Variants in CACNA2D2 observed in about 807,000 individuals in gnomAD.
The protein encoded by CACNA2D2 is voltage-dependent calcium channel subunit alpha-2/delta-2.
In CACNA2D2, 48 loss-of-function variants were observed where a neutral mutation model predicts 166.4. The observed-to-expected ratio is 0.29, with a 90% confidence interval of 0.23 to 0.37. The LOEUF is 0.37. Ranked by LOEUF, CACNA2D2 falls within the 10% of genes least tolerant of loss-of-function variation. The pLI is 1.00. For missense variants in CACNA2D2, 1,122 were observed against 1,433.0 expected (o/e 0.78, Z 3.50); for synonymous variants, 561 against 573.7 (o/e 0.98, Z 0.32).
At chr3:50,466,989 T>C (rs1032456317) in intron 2 of CACNA2D2, among the ~76,000 whole-genome samples, 1 of 151,960 alleles carries the variant, frequency 6.6e-6, no homozygotes, top group African/African-American at 2.4e-5. Flanking sequence ...TTTAAAAAGC[T>C]GGGAAGAGGC....
intron 2 of CACNA2D2, among the ~76,000 whole-genome samples, chr3:50,442,006 C>T (rs532105061): frequency 4.7e-4 from 72 of 152,340 alleles, no homozygotes; most frequent in Non-Finnish European, 8.7e-4. Flanking sequence ...AAGGGACTCA[C>T]CCATCATTAG....
At chr3:50,431,783 G>C (rs1708074554) in intron 3 of CACNA2D2, among the ~76,000 whole-genome samples, 2 of 152,040 alleles carry the variant, frequency 1.3e-5, no homozygotes, top group Non-Finnish European at 2.9e-5. Flanking sequence ...TCAGGAGTTT[G>C]AGACCAGCCT....
rs750788461 is a variant in CACNA2D2, at chr3:50,375,767, G to C, written c.1845+42C>G. The C allele has an allele frequency of 6.2e-7, 1 of 1,612,858 alleles. No homozygotes were observed. On this transcript the variant is annotated intron_variant, in intron 20 of 37. Transcript: ENST00000424201. This position sits in a 1 kb window ranked among gnomAD's most constrained non-coding sequence, Gnocchi z 4.0. The stretch of plus-strand genomic sequence containing the variant: ...AGGCAGGGGGCGCTGGGGTAGAAGG[G>C]TGCCCACCCTGACTCCCTGGCCCCC...
chr3:50,488,227 T>C (rs1310174238), intron 1 of CACNA2D2, among the ~76,000 whole-genome samples: 1 of 152,184 alleles, frequency 6.6e-6, no homozygotes, highest in African/African-American at 2.4e-5. Flanking sequence ...CAAGGCAGGC[T>C]GCTCCCACAC....
At chr3:50,473,606 T>C (rs1349480229) in intron 2 of CACNA2D2, among the ~76,000 whole-genome samples, 1 of 152,226 alleles carries the variant, frequency 6.6e-6, no homozygotes, top group Non-Finnish European at 1.5e-5. Flanking sequence ...AGCATCCTCC[T>C]GACCTATCAG....
At chr3:50,462,399 T>C (rs1256057180) in intron 2 of CACNA2D2, among the ~76,000 whole-genome samples, 2 of 143,784 alleles carry the variant, frequency 1.4e-5, no homozygotes, top group African/African-American at 5.3e-5. Flanking sequence ...ATAATAATAA[T>C]AATAATAATA....
rs757097781 is a variant in CACNA2D2, at chr3:50,365,398, T to A, written c.3056A>T (p.Asn1019Ile). The change falls in exon 35 of 38, where the codon AAC (asparagine) becomes ATC (isoleucine). Residue 1019 changes from asparagine to isoleucine, a missense_variant. By Grantham distance (149) the Asn-to-Ile change is moderately radical (BLOSUM62 -3). Around this residue, in one of 2 missense-constraint regions of CACNA2D2, gnomAD observed 282 missense variants for 266.2 expected, o/e 1.06. Transcript: ENST00000424201. This position sits in a 1 kb window ranked among gnomAD's most constrained non-coding sequence, Gnocchi z 4.5. ...GTCGATGATGGCGTTGTAGGAGGCG[T>A]TTACCGAGCCGAAGTAGTACTGGGT... is the stretch of plus-strand genomic sequence containing the variant. ...KQTQYYFGSV[N>I]ASYNAIIDCG... 1 of 1,613,542 alleles carries A rather than the reference T, an allele frequency of 6.2e-7. No homozygotes were observed.
intron 2 of CACNA2D2, among the ~76,000 whole-genome samples, chr3:50,446,070 C>T (rs1031106746): frequency 2.0e-5 from 3 of 152,238 alleles, no homozygotes; most frequent in Non-Finnish European, 2.9e-5. Context: ...GACTGATGGC[C>T]CGGCCACACT....
chr3:50,459,656 C>G (rs1485850944), intron 2 of CACNA2D2, among the ~76,000 whole-genome samples: 1 of 152,170 alleles, frequency 6.6e-6, no homozygotes, highest in South Asian at 2.1e-4. Context: ...AGAAAAGCTT[C>G]GAGCCCCTCA....
At chr3:50,397,866 G>T (rs1383888709) in intron 3 of CACNA2D2, among the ~76,000 whole-genome samples, 1 of 152,230 alleles carries the variant, frequency 6.6e-6, no homozygotes, top group Non-Finnish European at 1.5e-5. Context: ...GACATGTCCT[G>T]AGGCAGGGAT....
At chr3:50,441,056 T>G (rs12488468) in intron 2 of CACNA2D2, among the ~76,000 whole-genome samples, 96,788 of 147,916 alleles carry the variant, frequency 0.65, 31,900 homozygotes, top group African/African-American at 0.78. Flanking sequence ...AGGGGCTTGT[T>G]GGGGGACAGA....
At chr3:50,395,027 T>C (rs1706077593) in intron 3 of CACNA2D2, among the ~76,000 whole-genome samples, 1 of 152,064 alleles carries the variant, frequency 6.6e-6, no homozygotes, top group Admixed American at 6.5e-5. Context: ...CAGATGTTCT[T>C]ATTTGGTACT....
chr3:50,413,485 G>T (rs1707120805), intron 3 of CACNA2D2, among the ~76,000 whole-genome samples: 1 of 152,110 alleles, frequency 6.6e-6, no homozygotes, highest in Admixed American at 6.5e-5. Flanking sequence ...AAGCACTGCG[G>T]GACTCTTGAG....
chr3:50,411,084 C>T (rs2236962), intron 3 of CACNA2D2, among the ~76,000 whole-genome samples: 1 of 152,048 alleles, frequency 6.6e-6, no homozygotes, highest in Non-Finnish European at 1.5e-5. Context: ...TGGGGTGGCT[C>T]ACTGGGCTGT....
chr3:50,387,778 G>A (rs1041000448), intron 4 of CACNA2D2, among the ~76,000 whole-genome samples, 166 bp from the exon 5 acceptor site: 6 of 152,204 alleles, frequency 3.9e-5, no homozygotes, highest in Non-Finnish European at 8.8e-5. Flanking sequence ...GGTCAGGGCT[G>A]AGAATGCAGC....
intron 1 of CACNA2D2, among the ~76,000 whole-genome samples, chr3:50,491,970 C>A (rs548990829): frequency 6.6e-6 from 1 of 152,332 alleles, no homozygotes; most frequent in Admixed American, 6.5e-5. Context: ...ATGGGAAGGG[C>A]TAGGTTCCTG....
chr3:50,457,812 C>T (rs1321074855), intron 2 of CACNA2D2, among the ~76,000 whole-genome samples: 2 of 152,180 alleles, frequency 1.3e-5, no homozygotes, highest in East Asian at 3.9e-4. Flanking sequence ...TCTCACAGTC[C>T]ACCCTCCTAC....
intron 1 of CACNA2D2, among the ~76,000 whole-genome samples, chr3:50,491,838 C>T (rs1206938157): frequency 1.3e-5 from 2 of 152,194 alleles, no homozygotes; most frequent in Non-Finnish European, 2.9e-5. Flanking sequence ...CAGAGGGGTA[C>T]CCAATCCAGA....
chr3:50,464,543 G>C (rs890627597), intron 2 of CACNA2D2, among the ~76,000 whole-genome samples: 1 of 152,154 alleles, frequency 6.6e-6, no homozygotes, highest in East Asian at 1.9e-4. Flanking sequence ...TGCTGTGGGG[G>C]TGAAGCCACA....
Sources: allele counts gnomAD v4.1 joint callset (sites outside exome capture counted in the v4.1 genomes callset), GRCh38; gene constraint gnomAD v4.1.1; regional missense constraint gnomAD v4.1.1; non-coding constraint Gnocchi (gnomAD v3.1); transcripts MANE v1.5; gene names NCBI Gene and HGNC (gene_info 2026-07-23, HGNC 2026-07-21).